ZNF423: variants seen among roughly 807,000 people sequenced by gnomAD.
ZNF423 encodes the protein Ebf-associated zinc finger protein.
Under a neutral mutation model 95.8 loss-of-function variants are expected in ZNF423, and 12 were observed. The ratio of observed to expected loss-of-function variants is 0.13; its 90% confidence interval spans 0.08 to 0.20. The LOEUF is 0.20. ZNF423 is among the 10% of genes least tolerant of loss of function. ZNF423 has a pLI of 1.00. For synonymous variants in ZNF423, 749 were observed against 711.9 expected, an observed-to-expected ratio of 1.05 and a Z score of -0.83; for missense variants, 1,316 against 1,737.1, an observed-to-expected ratio of 0.76 and a Z score of 4.31.
chr16:49,813,154 C>T (rs1026782939), intron 1 of ZNF423, among the ~76,000 whole-genome samples: 5 of 152,058 alleles, frequency 3.3e-5, no homozygotes, highest in Admixed American at 2.0e-4. Context: ...TTTCCCTGTG[C>T]GTATGAATGA....
chr16:49,575,057 C>A (rs190450426), intron 5 of ZNF423, among the ~76,000 whole-genome samples: 2 of 152,222 alleles, frequency 1.3e-5, no homozygotes, highest in African/African-American at 4.8e-5. Context: ...ATCGAGGGGT[C>A]GGGCCCATAC....
chr16:49,539,753 G>T (rs542812523), intron 5 of ZNF423, among the ~76,000 whole-genome samples: 2 of 152,150 alleles, frequency 1.3e-5, no homozygotes, highest in South Asian at 2.1e-4. Flanking sequence ...GGGAGGCCTG[G>T]CCAAGGGACA....
intron 3 of ZNF423, among the ~76,000 whole-genome samples, chr16:49,716,752 C>G (rs2032719544): frequency 6.6e-6 from 1 of 152,172 alleles, no homozygotes; most frequent in African/African-American, 2.4e-5. Context: ...TCCTGATCGC[C>G]CCTCTGAGCC....
chr16:49,518,689 C>A, intron 7 of ZNF423: 1 of 356,638 alleles, frequency 2.8e-6, no homozygotes, highest in South Asian at 2.2e-5. Flanking sequence ...TACCTTTTTC[C>A]AGAATGTCAT....
intron 2 of ZNF423, among the ~76,000 whole-genome samples, chr16:49,737,270 A>G (rs1596947888): frequency 1.4e-5 from 2 of 144,770 alleles, no homozygotes; most frequent in African/African-American, 2.6e-5. Flanking sequence ...CTAGATCCTG[A>G]CTCTTTTTTT....
At position 49,635,854 on chromosome 16, in the gene ZNF423, C is replaced by A. The variant is rs778755872; in HGVS notation, c.3322G>T (p.Ala1108Ser). 1 of 1,594,276 alleles carries A rather than the reference C, an allele frequency of 6.3e-7. No individual in the cohort carries two copies. The highest frequency in any genetic ancestry group is 8.5e-7 in the Non-Finnish European group (1 of 1,172,294). The stretch of plus-strand genomic sequence containing the variant: ...GCCAGGCCACCCACCTGTCCGTTGG[C>A]GCTGCGGGCCATGCAGCCGGCGCAG... ...GLCAGCMARS[A>S]NGQVGGLAPP... Residue 1108 changes from alanine to serine, a missense_variant, in exon 4 of 8, where the codon GCC becomes TCC. Ala to Ser is a moderately conservative substitution (Grantham distance 99). Coordinates refer to ENST00000563137, the MANE Select transcript of ZNF423 (RefSeq NM_001379286.1). The surrounding 1 kb of genome is among the most constrained non-coding windows in gnomAD (Gnocchi z 4.8).
intron 5 of ZNF423, among the ~76,000 whole-genome samples, chr16:49,549,879 CTT>C (rs879664490): frequency 6.8e-6 from 1 of 146,526 alleles, no homozygotes; most frequent in Non-Finnish European, 1.5e-5. Context: ...TTTTTTCCTT[CTT>C]TTTTTTTTTA....
At chr16:49,796,747 GC>G (rs1424053578) in intron 1 of ZNF423, among the ~76,000 whole-genome samples, 5 of 152,132 alleles carry the variant, frequency 3.3e-5, no homozygotes, top group Non-Finnish European at 7.4e-5. Context: ...CAAAATCCAT[GC>G]TGGGGCCACT....
At chr16:49,792,327 G>A (rs1363532490) in intron 1 of ZNF423, among the ~76,000 whole-genome samples, 1 of 152,194 alleles carries the variant, frequency 6.6e-6, no homozygotes, top group Non-Finnish European at 1.5e-5. Context: ...GGAAGATCTG[G>A]CCTCGGCCAT....
chr16:49,720,105 C>G (rs1332574364), intron 3 of ZNF423, among the ~76,000 whole-genome samples: 2 of 152,170 alleles, frequency 1.3e-5, no homozygotes, highest in African/African-American at 4.8e-5. Context: ...GCACTGCCCC[C>G]AAAGGACCAA....
At chr16:49,575,731 G>C (rs1478687820) in intron 5 of ZNF423, among the ~76,000 whole-genome samples, 1 of 152,228 alleles carries the variant, frequency 6.6e-6, no homozygotes, top group Admixed American at 6.5e-5. Flanking sequence ...TCTCAAACTT[G>C]ACTGAGCATG....
rs749382074 is a variant in ZNF423 at position 49,637,552 on chromosome 16, C to G, written c.1624G>C (p.Glu542Gln). The G allele has an allele frequency of 6.2e-7, 1 of 1,613,886 alleles. No individual in the cohort carries two copies. Among genetic ancestry groups the G allele is most frequent in the Non-Finnish European group, 8.5e-7 (1 of 1,179,978 alleles). The change falls in exon 4 of 8, where the codon GAG becomes CAG. Residue 542 changes from glutamate to glutamine, a missense_variant. Glu to Gln is a conservative substitution (Grantham distance 29, BLOSUM62 2). Transcript: ENST00000563137. The surrounding 1 kb of genome is among the most constrained non-coding windows in gnomAD (Gnocchi z 5.6). ...CTGCAGTGGGCCTGCTGGATGTGCT[C>G]GGTGAGGGAGGACTCAGTAAGGAAA... is the stretch of plus-strand genomic sequence containing the variant. The part of the protein sequence containing the change: ...MGFLTESSLT[E>Q]HIQQAHCSVG...
At position 49,636,790 on chromosome 16, in the gene ZNF423, C is replaced by T. The variant is rs765993465; in HGVS notation, c.2386G>A (p.Glu796Lys). 1.6e-5 allele frequency: 26 copies of T among 1,614,012 alleles called. No individual in the cohort carries two copies. Among genetic ancestry groups the T allele is most frequent in the Non-Finnish European group, 1.8e-5 (21 of 1,180,032 alleles). The change falls in exon 4 of 8, where the codon GAG (glutamate) becomes AAG (lysine). Residue 796 changes from glutamate to lysine, a missense_variant. By Grantham distance (56) the Glu-to-Lys change is moderately conservative (BLOSUM62 1). This residue lies in a region of ZNF423 where 620 missense variants were observed against 775.6 expected (regional missense o/e 0.80). Transcript: ENST00000563137. The surrounding 1 kb of genome is among the most constrained non-coding windows in gnomAD (Gnocchi z 8.6). ...AKAHKCIFCG[E>K]TFSTEVELQC... The stretch of plus-strand genomic sequence containing the variant: ...AGCTCCACCTCGGTGCTGAAGGTCT[C>T]CCCACAGAAGATGCACTTGTGAGCC...
At chr16:49,789,391 G>T in intron 2 of ZNF423, 96 bp downstream of exon 2, 1 of 1,240,694 alleles carries the variant, frequency 8.1e-7, no homozygotes, top group Non-Finnish European at 1.1e-6. Flanking sequence ...GTGACACGAA[G>T]AATATCATTT....
intron 3 of ZNF423, among the ~76,000 whole-genome samples, chr16:49,680,237 G>A (rs2031292949): frequency 6.6e-6 from 1 of 152,250 alleles, no homozygotes; most frequent in African/African-American, 2.4e-5. Context: ...TCTCAGCTGA[G>A]AGCTGGGCAC....
At chr16:49,854,621 C>A (rs1001196443) in intron 1 of ZNF423, 12 of 985,380 alleles carry the variant, frequency 1.2e-5, no homozygotes, top group Non-Finnish European at 1.2e-5. Flanking sequence ...CATCTCACAG[C>A]CGAGCGCCCG....
At chr16:49,678,275 T>TC in intron 3 of ZNF423, among the ~76,000 whole-genome samples, 1 of 149,768 alleles carries the variant, frequency 6.7e-6, no homozygotes, top group Non-Finnish European at 1.5e-5. Flanking sequence ...ATATTTAAGT[T>TC]GTTTAGACAA....
chr16:49,716,829 A>T (rs2032723090), intron 3 of ZNF423, among the ~76,000 whole-genome samples: 2 of 152,022 alleles, frequency 1.3e-5, no homozygotes, highest in Non-Finnish European at 2.9e-5. Flanking sequence ...GCATTACGGG[A>T]TGATCTGCTG....
chr16:49,682,407 C>T (rs749705778), intron 3 of ZNF423, among the ~76,000 whole-genome samples: 1 of 152,196 alleles, frequency 6.6e-6, no homozygotes, highest in African/African-American at 2.4e-5. Flanking sequence ...GCAGAAGGCC[C>T]GGCCCCAAGG....
Sources: allele counts gnomAD v4.1 joint callset (sites outside exome capture counted in the v4.1 genomes callset), GRCh38; gene constraint gnomAD v4.1.1; regional missense constraint gnomAD v4.1.1; non-coding constraint Gnocchi (gnomAD v3.1); transcripts MANE v1.5; gene names NCBI Gene and HGNC (gene_info 2026-07-23, HGNC 2026-07-21).